Variants in SEMA5B observed in about 807,000 individuals in gnomAD.
The protein encoded by SEMA5B is semaphorin 5B, also known as semaphorin-5B.
In SEMA5B, 66 loss-of-function variants were observed where a neutral mutation model predicts 135.0. The observed-to-expected ratio is 0.49, with a 90% CI of 0.40 to 0.60. The LOEUF is 0.60. SEMA5B is among the 20% of genes least tolerant of loss of function. The pLI is 0.00. For missense variants in SEMA5B, 1,501 were observed against 1,566.3 expected, an observed-to-expected ratio of 0.96 and a Z score of 0.70; for synonymous variants, 690 against 639.5, an observed-to-expected ratio of 1.08 and a Z score of -1.19.
At chr3:122,946,892 C>T (rs116634168) in intron 3 of SEMA5B, among the ~76,000 whole-genome samples, 1,927 of 152,170 alleles carry the variant, frequency 0.013, 43 homozygotes, top group African/African-American at 0.044. Context: ...TCAATGCATA[C>T]CTGAGGGTCA....
rs557607244 is a variant in SEMA5B, at chr3:122,952,925, C to T, written c.125-4216G>A. 2.6e-5 allele frequency among the ~76,000 whole-genome samples: 4 copies of T among 152,302 alleles called. No homozygotes were observed. The East Asian group carries it at 5.8e-4, about 22-fold the overall frequency. ...CCTCCCTTCAGAACTAGGGGTGGTGCCGCCTCCTTGCTTACCAGCCCCTGC... is the reference window on the plus strand; with the variant it reads ...CCTCCCTTCAGAACTAGGGGTGGTGTCGCCTCCTTGCTTACCAGCCCCTGC... On this transcript the variant is annotated intron_variant, in intron 2 of 22. Transcript: ENST00000357599.
chr3:122,929,957 C>A (rs1169837640), intron 5 of SEMA5B, among the ~76,000 whole-genome samples: 1 of 152,224 alleles, frequency 6.6e-6, no homozygotes, highest in Non-Finnish European at 1.5e-5. Flanking sequence ...CACGTCCAGG[C>A]AATGTCAACA....
In SEMA5B at chr3:122,910,281, C is replaced by G; in HGVS notation, c.3318G>C (p.Leu1106Phe). 1.2e-6 allele frequency: 2 copies of G among 1,614,088 alleles called. No homozygotes were observed. Among genetic ancestry groups the G allele is most frequent in the African/African-American group, 2.7e-5 (2 of 75,032 alleles). Reference protein sequence around the residue: ...MEFKTLNKNNLIPDDRANFYP... With the variant: ...MEFKTLNKNNFIPDDRANFYP... ...AGAAGTTGGCTCTGTCATCAGGGAT[C>G]AAGTTATTCTTGTTCAGGGTCTGTG... is the stretch of plus-strand genomic sequence containing the variant. The change falls in exon 23 of 23, where the codon TTG (leucine) becomes TTC (phenylalanine). Residue 1106 changes from leucine (L) to phenylalanine (F), a missense_variant. Leu to Phe is a conservative substitution (Grantham distance 22). This residue lies in a region of SEMA5B where 927 missense variants were observed against 881.6 expected (regional missense o/e 1.05). Coordinates refer to ENST00000357599, the MANE Select transcript of SEMA5B (RefSeq NM_001031702.4).
intron 1 of SEMA5B, among the ~76,000 whole-genome samples, chr3:122,964,400 A>G (rs1331032439): frequency 6.6e-6 from 1 of 152,190 alleles, no homozygotes; most frequent in Non-Finnish European, 1.5e-5. Context: ...ACGCAGCTCT[A>G]CTTTCCACCA....
intron 12 of SEMA5B, among the ~76,000 whole-genome samples, chr3:122,920,707 G>A (rs1289554984): frequency 1.3e-5 from 2 of 152,198 alleles, no homozygotes; most frequent in African/African-American, 2.4e-5. Context: ...AGTAGATGAT[G>A]GAGTTGAGAT....
intron 5 of SEMA5B, among the ~76,000 whole-genome samples, chr3:122,938,037 A>G (rs1244527501): frequency 6.6e-6 from 1 of 152,208 alleles, no homozygotes; most frequent in East Asian, 1.9e-4. Flanking sequence ...CTCACAGGCC[A>G]CAAGATGCTG....
chr3:122,927,155 T>A (rs1474313551), intron 8 of SEMA5B, among the ~76,000 whole-genome samples: 1 of 152,206 alleles, frequency 6.6e-6, no homozygotes, highest in Admixed American at 6.5e-5. Flanking sequence ...CCCCAAGGGC[T>A]AGGAAACTCA....
rs1938371637 is a variant in SEMA5B, at chr3:122,921,996, C to T, written c.1607G>A (p.Ser536Asn). 6.5e-7 allele frequency: 1 copy of T among 1,535,012 alleles called. No individual in the cohort carries two copies. The highest frequency in any genetic ancestry group is 8.7e-7 in the Non-Finnish European group (1 of 1,144,092). Reference protein sequence around the residue: ...EPLRSLRILHSARALFVGLRD... With the variant: ...EPLRSLRILHNARALFVGLRD... ...CAGCCCCACGAAGAGCGCGCGGGCG[C>T]TGTGCAGGATGCGCAGGCTGCGCAG... The change falls in exon 12 of 23, where the codon AGC becomes AAC. Residue 536 changes from serine to asparagine, a missense_variant. Around this residue, in one of 2 missense-constraint regions of SEMA5B, gnomAD observed 927 missense variants for 881.6 expected, o/e 1.05. Transcript: ENST00000357599.
At position 123,009,394 on chromosome 3, in the gene SEMA5B, G is replaced by T. The variant is rs931668722; in HGVS notation, c.-39+18070C>A. 2.0e-5 allele frequency among the ~76,000 whole-genome samples: 3 copies of T among 152,058 alleles called. No individual in the cohort carries two copies. In the East Asian group the frequency reaches 5.8e-4, roughly 29 times the overall value. ...TAAGCTTCTTCTGTGGGATGAGGGA[G>T]GGTCCTGTGAACACATCAGGGATAA... On this transcript the variant is annotated intron_variant, in intron 1 of 22. Coordinates refer to ENST00000357599, the MANE Select transcript of SEMA5B (RefSeq NM_001031702.4).
chr3:122,942,557 C>T (rs1256469961), intron 4 of SEMA5B, among the ~76,000 whole-genome samples: 1 of 152,182 alleles, frequency 6.6e-6, no homozygotes, highest in East Asian at 1.9e-4. Flanking sequence ...GCTGTAGTCC[C>T]CACACCCTGT....
chr3:123,021,697 G>T (rs947659627), intron 1 of SEMA5B, among the ~76,000 whole-genome samples: 1 of 152,198 alleles, frequency 6.6e-6, no homozygotes, highest in African/African-American at 2.4e-5. Flanking sequence ...CTCCCAGGGC[G>T]GGCTTACATC....
intron 5 of SEMA5B, among the ~76,000 whole-genome samples, chr3:122,933,599 A>C (rs879734758): frequency 6.6e-6 from 1 of 151,992 alleles, no homozygotes; most frequent in Non-Finnish European, 1.5e-5. Flanking sequence ...TGTTTTGGCA[A>C]ATTTTCTTAC....
intron 1 of SEMA5B, among the ~76,000 whole-genome samples, chr3:122,961,855 C>T (rs956638023): frequency 2.0e-5 from 3 of 152,164 alleles, no homozygotes; most frequent in Admixed American, 6.5e-5. Context: ...AAAATCAAGG[C>T]ATTAGCAGGA....
chr3:122,942,627 G>C (rs917210919), intron 4 of SEMA5B, among the ~76,000 whole-genome samples: 1 of 152,152 alleles, frequency 6.6e-6, no homozygotes, highest in Non-Finnish European at 1.5e-5. Flanking sequence ...CTCTGCTACC[G>C]CCTGTTTAAA....
At chr3:122,973,205 A>T (rs1240907792) in intron 1 of SEMA5B, among the ~76,000 whole-genome samples, 1 of 152,090 alleles carries the variant, frequency 6.6e-6, no homozygotes, top group Non-Finnish European at 1.5e-5. Context: ...TGAGCCCCTG[A>T]CTCCAGCCTG....
chr3:122,978,937 C>T (rs1465688670), intron 1 of SEMA5B, among the ~76,000 whole-genome samples: 1 of 152,160 alleles, frequency 6.6e-6, no homozygotes, highest in African/African-American at 2.4e-5. Flanking sequence ...TCACCTGGCT[C>T]CCTTCATGCT....
In SEMA5B at chr3:122,922,409, C is replaced by G. The variant is rs765740269; in HGVS notation, c.1311G>C (p.Leu437=). The G allele has an allele frequency of 1.2e-6, 2 of 1,610,504 alleles. No individual in the cohort carries two copies. The highest frequency in any genetic ancestry group is 4.5e-5 in the East Asian group (2 of 44,686). ...TLPETGPNEN[L]TERSLQDAQR... is the part of the protein sequence containing the mutation. ...GCGCGTCCTGCAGGCTGCGCTCCGT[C>G]AGGTTCTCGTTGGGACCGGTCTCAG... is the stretch of plus-strand genomic sequence containing the variant. The change falls in exon 11 of 23, where the codon CTG becomes CTC. Residue 437 remains leucine (L), a synonymous_variant. Coordinates refer to ENST00000357599, the MANE Select transcript of SEMA5B (RefSeq NM_001031702.4).
At chr3:122,934,088 G>T in intron 5 of SEMA5B, among the ~76,000 whole-genome samples, 1 of 143,550 alleles carries the variant, frequency 7.0e-6, no homozygotes, top group Admixed American at 7.1e-5. Context: ...TGTACTTTTA[G>T]TAGAGACAGA....
intron 1 of SEMA5B, among the ~76,000 whole-genome samples, chr3:122,971,530 C>T (rs1238010083): frequency 6.6e-6 from 1 of 152,272 alleles, no homozygotes; most frequent in Non-Finnish European, 1.5e-5. Context: ...CCAAATCCAT[C>T]ATGGGGCATG....
Sources: allele counts gnomAD v4.1 joint callset (sites outside exome capture counted in the v4.1 genomes callset), GRCh38; gene constraint gnomAD v4.1.1; regional missense constraint gnomAD v4.1.1; transcripts MANE v1.5; gene names NCBI Gene and HGNC (gene_info 2026-07-23, HGNC 2026-07-21).